Variants in SHANK2 observed in about 807,000 individuals in gnomAD.
The protein encoded by SHANK2 is SH3 and multiple ankyrin repeat domains 2.
In SHANK2, 43 loss-of-function variants were observed where a neutral mutation model predicts 133.7. The ratio of observed to expected loss-of-function variants is 0.32; its 90% CI spans 0.25 to 0.41. The LOEUF is 0.41. Ranked by LOEUF, SHANK2 falls within the 10% of genes least tolerant of loss-of-function variation. SHANK2 has a pLI of 1.00. For missense variants in SHANK2, 1,994 were observed against 2,235.8 expected (o/e 0.89, Z 2.18); for synonymous variants, 1,017 against 952.8 (o/e 1.07, Z -1.24).
chr11:70,785,389 C>A (rs559931399), intron 14 of SHANK2, among the ~76,000 whole-genome samples: 3 of 152,308 alleles, frequency 2.0e-5, no homozygotes, highest in South Asian at 2.1e-4. Context: ...AGATGCCCCC[C>A]AAAGCTCTCC....
intron 6 of SHANK2, among the ~76,000 whole-genome samples, chr11:71,108,079 C>T (rs931257587): frequency 2.0e-5 from 3 of 152,176 alleles, no homozygotes; most frequent in Non-Finnish European, 4.4e-5. Context: ...AGGGAGAATC[C>T]GGGTCAGCAG....
intron 14 of SHANK2, among the ~76,000 whole-genome samples, chr11:70,755,829 G>T (rs971148792): frequency 6.6e-6 from 1 of 152,248 alleles, no homozygotes; most frequent in African/African-American, 2.4e-5. Context: ...GCCTCCCAGT[G>T]CTGGGGCCAT....
At chr11:70,852,576 G>A (rs1175824024) in intron 11 of SHANK2, among the ~76,000 whole-genome samples, 1 of 152,240 alleles carries the variant, frequency 6.6e-6, no homozygotes, top group Non-Finnish European at 1.5e-5. Flanking sequence ...TGGGCACAGT[G>A]GCTCATGCCT....
intron 12 of SHANK2, among the ~76,000 whole-genome samples, chr11:70,815,173 GAAACACACACACACACAC>G (rs1948363553): frequency 8.5e-6 from 1 of 117,962 alleles, no homozygotes; most frequent in African/African-American, 3.3e-5. Flanking sequence ...GATGGGAGAA[GAAACACACACACACACAC>G]ACACACACAC....
intron 2 of SHANK2, among the ~76,000 whole-genome samples, chr11:71,189,529 T>C (rs922701425): frequency 6.6e-6 from 1 of 152,224 alleles, no homozygotes; most frequent in African/African-American, 2.4e-5. Flanking sequence ...CCTGAGTAGC[T>C]GGGACTACAG....
intron 17 of SHANK2, among the ~76,000 whole-genome samples, chr11:70,561,713 A>G (rs1309608664): frequency 9.1e-5 from 2 of 21,876 alleles, no homozygotes; most frequent in Non-Finnish European, 2.8e-4. Context: ...CTTTTTGTAG[A>G]GATGGCAGGG....
At chr11:70,906,482 C>G (rs2135707062) in intron 10 of SHANK2, among the ~76,000 whole-genome samples, 1 of 152,284 alleles carries the variant, frequency 6.6e-6, no homozygotes, top group Non-Finnish European at 1.5e-5. Flanking sequence ...CGGAGGAAAG[C>G]CACTCCACCG....
chr11:70,514,507 AG>A (rs1258128539), intron 17 of SHANK2, among the ~76,000 whole-genome samples: 2 of 152,256 alleles, frequency 1.3e-5, no homozygotes, highest in Non-Finnish European at 2.9e-5. Context: ...TCACTGTTTT[AG>A]GCAAAAATAA....
chr11:70,801,119 T>C (rs1241217586), intron 13 of SHANK2, among the ~76,000 whole-genome samples: 1 of 152,202 alleles, frequency 6.6e-6, no homozygotes, highest in Non-Finnish European at 1.5e-5. Context: ...CAGTGTGGAA[T>C]GAGGACTCAA....
At chr11:71,247,589 G>A (rs1954979413) in intron 1 of SHANK2, among the ~76,000 whole-genome samples, 1 of 151,748 alleles carries the variant, frequency 6.6e-6, no homozygotes, top group African/African-American at 2.4e-5. Context: ...GACCTCTAAT[G>A]CACGCCTCCT....
rs782621117 is a variant in SHANK2 at position 70,807,203 on chromosome 11, G to A, written c.1494-32C>T. 3 of 708,216 alleles carry A rather than the reference G, an allele frequency of 4.2e-6. No homozygotes were observed. The South Asian group carries it at 4.5e-5, about 11-fold the overall frequency. 43.9% of individuals were successfully genotyped at this position (708,216 alleles called of 1,614,324 possible). On this transcript the variant is annotated intron_variant, in intron 12 of 25. Coordinates refer to ENST00000601538, the MANE Select transcript of SHANK2 (RefSeq NM_012309.5). The surrounding 1 kb of genome is among the most constrained non-coding windows in gnomAD (Gnocchi z 4.8). ...CAGGTGAGAGGGGCAGAGAGAGAGA[G>A]AGCAGAGTCACAAGGTCACAAGCCA...
intron 11 of SHANK2, among the ~76,000 whole-genome samples, chr11:70,853,496 T>C (rs1555066255): frequency 6.6e-6 from 1 of 152,036 alleles, no homozygotes; most frequent in Non-Finnish European, 1.5e-5. Context: ...TCTTTCTCAG[T>C]CTCTTTATGG....
At chr11:70,730,537 C>T (rs781924769) in intron 14 of SHANK2, among the ~76,000 whole-genome samples, 3 of 152,154 alleles carry the variant, frequency 2.0e-5, no homozygotes, top group Non-Finnish European at 2.9e-5. Context: ...CTAACTGGAC[C>T]GCATCTCCCA....
chr11:71,138,555 G>A (rs1555105194), intron 3 of SHANK2, among the ~76,000 whole-genome samples: 1 of 151,998 alleles, frequency 6.6e-6, no homozygotes, highest in African/African-American at 2.4e-5. Context: ...GGTGGTTCAC[G>A]CCTGTAATCC....
At chr11:71,082,799 A>G (rs1252259144) in intron 8 of SHANK2, among the ~76,000 whole-genome samples, 2 of 152,200 alleles carry the variant, frequency 1.3e-5, no homozygotes, top group East Asian at 3.9e-4. Flanking sequence ...TCTTCATTTA[A>G]ATGCGATAAA....
At chr11:70,667,571 A>G (rs768112748) in intron 15 of SHANK2, among the ~76,000 whole-genome samples, 8 of 152,152 alleles carry the variant, frequency 5.3e-5, no homozygotes, top group Non-Finnish European at 1.2e-4. Context: ...ACTGGGCGCC[A>G]TGACAGACTC....
At chr11:71,241,574 ACT>A (rs1954893525) in intron 1 of SHANK2, among the ~76,000 whole-genome samples, 1 of 151,616 alleles carries the variant, frequency 6.6e-6, no homozygotes, top group Non-Finnish European at 1.5e-5. Context: ...TGCAGGAGAC[ACT>A]CTCCCCCCTG....
chr11:70,682,200 C>G (rs1246901773), intron 15 of SHANK2, among the ~76,000 whole-genome samples: 9 of 152,174 alleles, frequency 5.9e-5, no homozygotes, highest in Non-Finnish European at 5.9e-5. Flanking sequence ...ACTGTCTGAA[C>G]TGGAAATATT....
At chr11:70,722,509 G>A (rs1399956733) in intron 14 of SHANK2, among the ~76,000 whole-genome samples, 4 of 152,172 alleles carry the variant, frequency 2.6e-5, no homozygotes, top group Admixed American at 6.5e-5. Flanking sequence ...ATAGGCGATT[G>A]TTTTTTCTGA....
Sources: allele counts gnomAD v4.1 joint callset (sites outside exome capture counted in the v4.1 genomes callset), GRCh38; gene constraint gnomAD v4.1.1; non-coding constraint Gnocchi (gnomAD v3.1); transcripts MANE v1.5; gene names NCBI Gene and HGNC (gene_info 2026-07-23, HGNC 2026-07-21).